ZFAT: variants seen among roughly 807,000 people sequenced by gnomAD.
ZFAT encodes zinc finger and AT-hook domain containing.
A neutral mutation model predicts 117.7 loss-of-function variants in ZFAT; 64 were observed. That is an observed-to-expected ratio of 0.54 (90% CI 0.44 to 0.67). The LOEUF (loss-of-function observed/expected upper bound fraction) is 0.67, where lower values mean the gene tolerates loss of function less well. ZFAT is among the 30% of genes least tolerant of loss of function. The pLI, the probability that ZFAT is intolerant of heterozygous loss-of-function variation, is 0.00. For missense variants in ZFAT, 1,433 were observed against 1,584.5 expected (o/e 0.90, Z 1.62); for synonymous variants, 679 against 615.0 (o/e 1.10, Z -1.54).
At chr8:134,490,651 C>T (rs1030705700) in intron 15 of ZFAT, among the ~76,000 whole-genome samples, 2 of 152,188 alleles carry the variant, frequency 1.3e-5, no homozygotes, top group East Asian at 3.9e-4. Flanking sequence ...TAACCAGCTC[C>T]CCATTACTGA....
the ZFAT span, among the ~76,000 whole-genome samples, chr8:134,721,071 T>C: frequency 6.6e-6 from 1 of 152,178 alleles, no homozygotes; most frequent in East Asian, 1.9e-4. Flanking sequence ...CTGCTGTGGC[T>C]CTATCATCCA....
At chr8:134,774,403 G>A in the ZFAT span, among the ~76,000 whole-genome samples, 2 of 152,064 alleles carry the variant, frequency 1.3e-5, no homozygotes, top group African/African-American at 2.4e-5. Flanking sequence ...AGCAAACTTC[G>A]CTGCTGTCTT....
At chr8:134,504,476 G>A (rs886212768) in intron 15 of ZFAT, among the ~76,000 whole-genome samples, 12 of 152,120 alleles carry the variant, frequency 7.9e-5, no homozygotes, top group Non-Finnish European at 1.5e-5. Context: ...TAGCTGGCTC[G>A]GTGAACCCAG....
chr8:134,748,664 T>C, the ZFAT span, among the ~76,000 whole-genome samples: 4 of 152,240 alleles, frequency 2.6e-5, no homozygotes, highest in Non-Finnish European at 5.9e-5. Context: ...GCAGGTTTAC[T>C]GATTCACATT....
chr8:134,689,339 T>A (rs1028062531), intron 1 of ZFAT, among the ~76,000 whole-genome samples: 5 of 152,234 alleles, frequency 3.3e-5, no homozygotes, highest in African/African-American at 1.2e-4. Context: ...GTAGCCCTGC[T>A]CCACAGGAGC....
At chr8:134,819,430 G>A in the ZFAT span, among the ~76,000 whole-genome samples, 3 of 149,536 alleles carry the variant, frequency 2.0e-5, no homozygotes, top group Non-Finnish European at 4.4e-5. Context: ...GACATTAAAT[G>A]TATCTGCAGA....
intron 10 of ZFAT, among the ~76,000 whole-genome samples, chr8:134,578,411 CAAAA>C (rs778606284): frequency 4.4e-5 from 3 of 68,418 alleles, no homozygotes; most frequent in African/African-American, 1.1e-4. Context: ...AACTCTGTCT[CAAAA>C]AAAAAAAAAA....
At chr8:134,655,973 G>A (rs2131196556) in intron 2 of ZFAT, among the ~76,000 whole-genome samples, 1 of 152,292 alleles carries the variant, frequency 6.6e-6, no homozygotes, top group Middle Eastern at 3.4e-3. Context: ...AGGAATGCTT[G>A]AGCCCAAAAG....
chr8:134,786,429 A>G, the ZFAT span, among the ~76,000 whole-genome samples: 1 of 152,184 alleles, frequency 6.6e-6, no homozygotes, highest in Non-Finnish European at 1.5e-5. Context: ...TTCATCTATT[A>G]AGAGGATGTT....
chr8:134,539,319 T>C (rs1822075068), intron 11 of ZFAT, among the ~76,000 whole-genome samples: 1 of 152,228 alleles, frequency 6.6e-6, no homozygotes, highest in Non-Finnish European at 1.5e-5. Context: ...TGTTGGCTCC[T>C]ATTCGCAGCA....
At chr8:134,530,615 G>A (rs982601998) in intron 12 of ZFAT, among the ~76,000 whole-genome samples, 2 of 152,138 alleles carry the variant, frequency 1.3e-5, no homozygotes, top group African/African-American at 4.8e-5. Flanking sequence ...GAAGGGAATG[G>A]GGGGATAAAC....
In ZFAT at chr8:134,498,259, G is replaced by C. The variant is rs565493692; in HGVS notation, c.3492+11360C>G. ...TACACACAGAGCCTGATTTGGTAGG[G>C]TTGGGGTGGAGCCGTGATGCCCCTG... On this transcript the variant is annotated intron_variant, in intron 15 of 15. Coordinates refer to ENST00000377838, the MANE Select transcript of ZFAT (RefSeq NM_020863.4). 5.0e-3 allele frequency among the ~76,000 whole-genome samples: 718 copies of C among 143,114 alleles called. 3 individuals are homozygous for C. Among genetic ancestry groups the C allele is most frequent in the Non-Finnish European group, 7.9e-3 (514 of 64,734 alleles). The allele number at this position is 143,114 out of a possible 152,430, so 93.9% of individuals were successfully genotyped here. A position where few individuals can be genotyped will look rare whatever the true frequency, so the allele number is the denominator to read the frequency against.
At chr8:134,654,346 A>G (rs749691883) in intron 2 of ZFAT, among the ~76,000 whole-genome samples, 17 of 152,216 alleles carry the variant, frequency 1.1e-4, no homozygotes, top group Non-Finnish European at 2.5e-4. Context: ...GTACAAAGTA[A>G]AAGTGTAATT....
intron 14 of ZFAT, chr8:134,510,227 C>T (rs1218916149): frequency 2.3e-6 from 1 of 440,022 alleles, no homozygotes; most frequent in South Asian, 1.6e-5. Flanking sequence ...AACGAGTAGG[C>T]TTTGGAACTC....
At chr8:134,738,732 G>A in the ZFAT span, among the ~76,000 whole-genome samples, 1 of 152,154 alleles carries the variant, frequency 6.6e-6, no homozygotes, top group Admixed American at 6.5e-5. Context: ...TGAACGAGGA[G>A]GGGGAGGTAA....
At chr8:134,549,266 C>T (rs1281805947) in intron 11 of ZFAT, among the ~76,000 whole-genome samples, 1 of 151,916 alleles carries the variant, frequency 6.6e-6, no homozygotes. Flanking sequence ...ATGGTGAAAC[C>T]CCGTTTCTAC....
chr8:134,656,347 G>A (rs1831601728), intron 2 of ZFAT, among the ~76,000 whole-genome samples: 1 of 152,198 alleles, frequency 6.6e-6, no homozygotes, highest in South Asian at 2.1e-4. Flanking sequence ...AGGCCTGTGA[G>A]GGGCTGAGCA....
At chr8:134,547,626 A>G (rs941907065) in intron 11 of ZFAT, among the ~76,000 whole-genome samples, 2 of 152,240 alleles carry the variant, frequency 1.3e-5, no homozygotes, top group Admixed American at 6.5e-5. Context: ...AACAGATTAC[A>G]TGAACTCCCT....
intron 11 of ZFAT, among the ~76,000 whole-genome samples, chr8:134,561,752 CTAAGA>C (rs1245660150): frequency 2.0e-5 from 3 of 152,064 alleles, no homozygotes; most frequent in Admixed American, 6.6e-5. Flanking sequence ...GAGCTCTAAT[CTAAGA>C]TTAGTAAAAA....
Sources: allele counts gnomAD v4.1 joint callset (sites outside exome capture counted in the v4.1 genomes callset), GRCh38; gene constraint gnomAD v4.1.1; transcripts MANE v1.5; gene names NCBI Gene and HGNC (gene_info 2026-07-23, HGNC 2026-07-21).